The following LRRC7 variants were observed in gnomAD, a reference collection of about 807,000 sequenced individuals.
LRRC7 encodes leucine rich repeat containing 7.
In LRRC7, 23 loss-of-function variants were observed where a neutral mutation model predicts 175.7. That is an observed-to-expected ratio of 0.13 (90% CI 0.09 to 0.19). LRRC7 has a LOEUF of 0.19. LRRC7 is among the 10% of genes least tolerant of loss of function. LRRC7 has a pLI of 1.00. For missense variants in LRRC7, 1,354 were observed against 1,904.7 expected, an observed-to-expected ratio of 0.71 and a Z score of 5.38; for synonymous variants, 685 against 680.9, an observed-to-expected ratio of 1.01 and a Z score of -0.09.
intron 4 of LRRC7, among the ~76,000 whole-genome samples, chr1:69,822,839 A>C (rs1272928948): frequency 6.6e-6 from 1 of 152,200 alleles, no homozygotes. Context: ...AAACTCCCAC[A>C]AAAATACTCT....
intron 7 of LRRC7, among the ~76,000 whole-genome samples, chr1:69,927,463 G>T (rs543811525): frequency 2.2e-4 from 34 of 152,238 alleles, no homozygotes; most frequent in Non-Finnish European, 8.8e-5. Context: ...CATAGATTTG[G>T]TCTTTTCACA....
chr1:70,071,479 G>C (rs1015397102), intron 23 of LRRC7, among the ~76,000 whole-genome samples: 2 of 151,696 alleles, frequency 1.3e-5, no homozygotes, highest in Admixed American at 1.3e-4. Context: ...CAACTAACCT[G>C]CATTAAAAAA....
chr1:69,694,694 G>A (rs1291975549), intron 2 of LRRC7, among the ~76,000 whole-genome samples: 1 of 151,618 alleles, frequency 6.6e-6, no homozygotes, highest in African/African-American at 2.4e-5. Context: ...TTCTTGCTCT[G>A]AGTTCACATG....
chr1:69,618,057 G>A (rs962065832), intron 1 of LRRC7, among the ~76,000 whole-genome samples: 1 of 152,080 alleles, frequency 6.6e-6, no homozygotes, highest in African/African-American at 2.4e-5. Flanking sequence ...TCCCTACTAC[G>A]GTGGTGGTGG....
chr1:69,755,257 A>G (rs1670281325), intron 2 of LRRC7, among the ~76,000 whole-genome samples: 1 of 151,668 alleles, frequency 6.6e-6, no homozygotes, highest in Non-Finnish European at 1.5e-5. Context: ...CAAAGACTCC[A>G]CTAACATTGA....
At chr1:69,913,604 C>G (rs1485076010) in intron 7 of LRRC7, among the ~76,000 whole-genome samples, 1 of 151,964 alleles carries the variant, frequency 6.6e-6, no homozygotes, top group Non-Finnish European at 1.5e-5. Flanking sequence ...CTCCACCTCC[C>G]GGGTTCAAGC....
At chr1:69,705,506 G>A (rs1663924534) in intron 2 of LRRC7, among the ~76,000 whole-genome samples, 1 of 151,958 alleles carries the variant, frequency 6.6e-6, no homozygotes, top group African/African-American at 2.4e-5. Context: ...TGCAATCCAG[G>A]GCATACACAC....
chr1:69,925,469 A>C (rs1647036865), intron 7 of LRRC7, among the ~76,000 whole-genome samples: 1 of 152,116 alleles, frequency 6.6e-6, no homozygotes, highest in Non-Finnish European at 1.5e-5. Flanking sequence ...TTATTGCCAC[A>C]ATTTCAGAGG....
At position 69,936,594 on chromosome 1, in the gene LRRC7, G is replaced by A. The variant is rs542748739; in HGVS notation, c.711+5024G>A. On this transcript the variant is annotated intron_variant, in intron 8 of 26. Transcript: ENST00000651989. ...TCCAAATTTATTTAAGGTTCAGGTG[G>A]TGCATGTGCAGGTTTGTTACATGGA... Among the ~76,000 whole-genome samples the A allele has an allele frequency of 3.3e-5, 5 of 152,206 alleles. No homozygotes were observed. The South Asian group carries it at 1.0e-3, about 32-fold the overall frequency.
intron 2 of LRRC7, among the ~76,000 whole-genome samples, chr1:69,717,216 A>C (rs1665467598): frequency 6.6e-6 from 1 of 151,742 alleles, no homozygotes; most frequent in Admixed American, 6.6e-5. Context: ...TTTATGCATA[A>C]ATGTTTTATA....
intron 22 of LRRC7, among the ~76,000 whole-genome samples, chr1:70,047,142 T>G (rs1660392932): frequency 6.6e-6 from 1 of 152,110 alleles, no homozygotes. Context: ...TAAGACCAAT[T>G]TTTAAACAAA....
intron 1 of LRRC7, among the ~76,000 whole-genome samples, chr1:69,576,984 G>A (rs779675261): frequency 2.0e-5 from 3 of 152,038 alleles, no homozygotes; most frequent in African/African-American, 4.8e-5. Context: ...ATTTACACAC[G>A]TAATATAAGG....
At chr1:69,676,062 C>T (rs227104) in intron 1 of LRRC7, among the ~76,000 whole-genome samples, 19,956 of 151,280 alleles carry the variant, frequency 0.13, 1,696 homozygotes, top group South Asian at 0.18. Context: ...GCAGCCTCTA[C>T]ATATGAATAG....
At chr1:69,663,809 C>T (rs1410269485) in intron 1 of LRRC7, among the ~76,000 whole-genome samples, 4 of 146,930 alleles carry the variant, frequency 2.7e-5, no homozygotes, top group African/African-American at 7.6e-5. Flanking sequence ...GCAAGCTCCG[C>T]TTCCCGGGTT....
chr1:69,946,922 A>G (rs1482616942), intron 8 of LRRC7, among the ~76,000 whole-genome samples: 1 of 151,886 alleles, frequency 6.6e-6, no homozygotes. Flanking sequence ...TACTAAAACT[A>G]CAAAACTTAG....
intron 1 of LRRC7, among the ~76,000 whole-genome samples, chr1:69,610,193 A>G (rs1369660914): frequency 6.6e-6 from 1 of 151,944 alleles, no homozygotes; most frequent in African/African-American, 2.4e-5. Flanking sequence ...TTTTTTTCTA[A>G]AAAATATTCA....
intron 7 of LRRC7, among the ~76,000 whole-genome samples, chr1:69,872,530 C>A (rs1283701830): frequency 6.6e-6 from 1 of 151,734 alleles, no homozygotes; most frequent in Non-Finnish European, 1.5e-5. Context: ...TTCCAAATAC[C>A]CATACTTTAT....
At chr1:69,663,959 G>C (rs1056994715) in intron 1 of LRRC7, among the ~76,000 whole-genome samples, 1 of 150,902 alleles carries the variant, frequency 6.6e-6, no homozygotes, top group Non-Finnish European at 1.5e-5. Context: ...CTGACCTCAT[G>C]ATCCACCCGC....
At chr1:70,000,244 C>A (rs1655400344) in intron 11 of LRRC7, among the ~76,000 whole-genome samples, 1 of 152,158 alleles carries the variant, frequency 6.6e-6, no homozygotes, top group African/African-American at 2.4e-5. Flanking sequence ...ACCACATATA[C>A]AACTGTGCTC....
Sources: allele counts gnomAD v4.1 joint callset (sites outside exome capture counted in the v4.1 genomes callset), GRCh38; gene constraint gnomAD v4.1.1; transcripts MANE v1.5; gene names NCBI Gene and HGNC (gene_info 2026-07-23, HGNC 2026-07-21).